The following VPS13B variants were observed in gnomAD, a reference collection of about 807,000 sequenced individuals.
VPS13B encodes intermembrane lipid transfer protein VPS13B.
In VPS13B, 285 loss-of-function variants were observed where a neutral mutation model predicts 426.4. The ratio of observed to expected loss-of-function variants is 0.67; its 90% confidence interval spans 0.61 to 0.74. The LOEUF (loss-of-function observed/expected upper bound fraction) is 0.74, where lower values mean the gene tolerates loss of function less well. VPS13B is among the 30% of genes least tolerant of loss of function. The probability of loss-of-function intolerance (pLI) is 0.00; values close to 1 mark genes in which losing one functional copy is unlikely to be tolerated. For synonymous variants in VPS13B, 1,676 were observed against 1,676.4 expected, an observed-to-expected ratio of 1.00 and a Z score of 0.01; for missense variants, 4,537 against 4,782.6, an observed-to-expected ratio of 0.95 and a Z score of 1.51.
At chr8:99,494,127 CTTAA>C (rs1315557789) in intron 25 of VPS13B, among the ~76,000 whole-genome samples, 1 of 151,992 alleles carries the variant, frequency 6.6e-6, no homozygotes, top group Non-Finnish European at 1.5e-5. Flanking sequence ...AGTTTTTTGG[CTTAA>C]TTTTTTTGTT....
At chr8:99,348,310 A>G (rs1012503492) in intron 19 of VPS13B, 1 of 152,224 alleles carries the variant, frequency 6.6e-6, no homozygotes, top group Non-Finnish European at 1.5e-5. Flanking sequence ...GCCTGCCATA[A>G]GAGTTCTCTA....
chr8:99,728,540 A>C (rs991136602), intron 39 of VPS13B, among the ~76,000 whole-genome samples: 1 of 152,170 alleles, frequency 6.6e-6, no homozygotes, highest in African/African-American at 2.4e-5. Context: ...AATGTGTTAG[A>C]CCACATTAGA....
chr8:99,190,857 A>G (rs1318927814), intron 16 of VPS13B, among the ~76,000 whole-genome samples: 3 of 151,912 alleles, frequency 2.0e-5, no homozygotes, highest in East Asian at 1.9e-4. Flanking sequence ...AAATTCACCC[A>G]TATATTTACC....
chr8:99,635,021 G>A (rs1015171728), intron 33 of VPS13B, among the ~76,000 whole-genome samples: 2 of 150,432 alleles, frequency 1.3e-5, no homozygotes, highest in Non-Finnish European at 3.0e-5. Context: ...AAAAGCATGC[G>A]ACAGCCTCTC....
intron 33 of VPS13B, among the ~76,000 whole-genome samples, chr8:99,610,883 A>G (rs1827819743): frequency 1.3e-5 from 2 of 152,198 alleles, no homozygotes. Flanking sequence ...TTTATCAGCT[A>G]TTTTACTAGA....
At position 99,877,375 on chromosome 8, in the gene VPS13B, A is replaced by G. The variant is rs1414405518; in HGVS notation, c.*1709A>G. 6.6e-6 allele frequency: 1 copy of G among 152,660 alleles called. No homozygotes were observed. The highest frequency in any genetic ancestry group is 6.5e-5 in the Admixed American group (1 of 15,276). 9.5% of individuals were successfully genotyped at this position (152,660 alleles called of 1,614,324 possible). The stretch of plus-strand genomic sequence containing the variant: ...CTTGTATCTTTTATGGTAATTTTGC[A>G]TATTGATATGAATTATATAAAATTG... On this transcript the variant is annotated 3_prime_UTR_variant, in exon 62 of 62. Transcript: ENST00000357162.
chr8:99,360,192 C>CTTTCTT (rs1812461511), intron 19 of VPS13B, among the ~76,000 whole-genome samples: 1 of 33,848 alleles, frequency 3.0e-5, no homozygotes, highest in East Asian at 5.1e-4. Context: ...CTTTCTTTCT[C>CTTTCTT]TCTCTCTCTC....
chr8:99,073,395 G>A (rs146602926), intron 3 of VPS13B, among the ~76,000 whole-genome samples: 47 of 152,016 alleles, frequency 3.1e-4, no homozygotes, highest in Non-Finnish European at 5.7e-4. Context: ...ATCCTTTTCT[G>A]TTTCTTTAAT....
At chr8:99,054,330 A>C (rs1843721502) in intron 3 of VPS13B, among the ~76,000 whole-genome samples, 1 of 152,178 alleles carries the variant, frequency 6.6e-6, no homozygotes, top group Non-Finnish European at 1.5e-5. Flanking sequence ...ATCTTCACCG[A>C]CACTTATTTT....
chr8:99,413,578 A>T lies in VPS13B; in HGVS notation c.3083-17959A>T, dbSNP rs1311320999. Among the ~76,000 whole-genome samples, 3 of 152,046 alleles carry T rather than the reference A, an allele frequency of 2.0e-5. No homozygotes were observed. The East Asian group carries it at 5.8e-4, about 29-fold the overall frequency. ...CTCCTGTGGGCATTTAGTGCTATAA[A>T]TTTCCCTCTAAACACTGCTTTAGCT... On this transcript the variant is annotated intron_variant, in intron 21 of 61. Transcript: ENST00000357162.
At chr8:99,466,672 T>G (rs1376653924) in intron 23 of VPS13B, among the ~76,000 whole-genome samples, 6 of 152,308 alleles carry the variant, frequency 3.9e-5, no homozygotes, top group Non-Finnish European at 5.9e-5. Flanking sequence ...TTTTATCAAG[T>G]GCATTTTATT....
chr8:99,032,910 T>C (rs1057146750), intron 2 of VPS13B, among the ~76,000 whole-genome samples: 1 of 152,158 alleles, frequency 6.6e-6, no homozygotes, highest in African/African-American at 2.4e-5. Context: ...TAGTTGAGAT[T>C]ATTGATAACT....
chr8:99,288,319 C>A (rs1819551997), intron 19 of VPS13B, among the ~76,000 whole-genome samples: 1 of 151,962 alleles, frequency 6.6e-6, no homozygotes, highest in African/African-American at 2.4e-5. Context: ...CCCAGTCATA[C>A]TTTTACTCTT....
chr8:99,671,894 T>C (rs1049140507), intron 35 of VPS13B, among the ~76,000 whole-genome samples: 2 of 152,188 alleles, frequency 1.3e-5, no homozygotes, highest in South Asian at 4.1e-4. Context: ...CCTTTCCCCA[T>C]TTTGTGTTCT....
At chr8:99,835,958 G>A (rs1267680321) in intron 54 of VPS13B, among the ~76,000 whole-genome samples, 4 of 152,196 alleles carry the variant, frequency 2.6e-5, no homozygotes, top group African/African-American at 9.7e-5. Context: ...CTAGAGAGGA[G>A]CACTAGTAAA....
chr8:99,510,918 A>G (rs1430687040), intron 28 of VPS13B, among the ~76,000 whole-genome samples, 186 bp from the exon 29 acceptor site: 1 of 152,224 alleles, frequency 6.6e-6, no homozygotes, highest in Non-Finnish European at 1.5e-5. Context: ...TCTTTAGTTC[A>G]GTCATTCTAA....
At chr8:99,239,680 A>T (rs1048630399) in intron 17 of VPS13B, among the ~76,000 whole-genome samples, 8 of 105,098 alleles carry the variant, frequency 7.6e-5, no homozygotes, top group African/African-American at 3.3e-5. Context: ...GTTAAGAATC[A>T]GTTCAGCCAG....
intron 17 of VPS13B, among the ~76,000 whole-genome samples, chr8:99,240,167 T>TG (rs1418168604): frequency 6.6e-6 from 1 of 152,156 alleles, no homozygotes; most frequent in Non-Finnish European, 1.5e-5. Flanking sequence ...AACTGCCAGG[T>TG]GGACTCTGGG....
At chr8:99,682,815 A>C (rs1831210053) in intron 35 of VPS13B, among the ~76,000 whole-genome samples, 1 of 152,088 alleles carries the variant, frequency 6.6e-6, no homozygotes, top group Non-Finnish European at 1.5e-5. Context: ...CCCTCCCTAT[A>C]GGACACTGAA....
Sources: allele counts gnomAD v4.1 joint callset (sites outside exome capture counted in the v4.1 genomes callset), GRCh38; gene constraint gnomAD v4.1.1; transcripts MANE v1.5; gene names NCBI Gene and HGNC (gene_info 2026-07-23, HGNC 2026-07-21).